NBEA: variants seen among roughly 807,000 people sequenced by gnomAD.
The protein encoded by NBEA is lysosomal-trafficking regulator 2.
In NBEA, 44 loss-of-function variants were observed where a neutral mutation model predicts 343.4. That is an observed-to-expected ratio of 0.13 (90% CI 0.10 to 0.16). NBEA has a LOEUF of 0.16. NBEA is among the 10% of genes least tolerant of loss of function. NBEA has a pLI of 1.00. For missense variants in NBEA, 2,555 were observed against 3,631.3 expected, an observed-to-expected ratio of 0.70 and a Z score of 7.62; for synonymous variants, 1,175 against 1,238.7, an observed-to-expected ratio of 0.95 and a Z score of 1.08.
chr13:35,208,601 G>A, intron 31 of NBEA, 99 bp from the exon 32 acceptor site: 1 of 1,078,988 alleles, frequency 9.3e-7, no homozygotes, highest in Non-Finnish European at 1.3e-6. Context: ...AAAGAAGAGA[G>A]GGAGAAATTC....
intron 43 of NBEA, among the ~76,000 whole-genome samples, chr13:35,553,563 G>A (rs1014175197): frequency 2.4e-4 from 37 of 152,020 alleles, no homozygotes; most frequent in African/African-American, 8.4e-4. Flanking sequence ...CATAAAATGG[G>A]GAAAATATCT....
chr13:35,217,256 T>A (rs2074115737), intron 33 of NBEA, among the ~76,000 whole-genome samples: 1 of 152,066 alleles, frequency 6.6e-6, no homozygotes. Context: ...AGAGTTTTTG[T>A]TATATTCAAA....
intron 18 of NBEA, among the ~76,000 whole-genome samples, chr13:35,151,728 A>C (rs2068802995): frequency 1.3e-5 from 2 of 152,114 alleles, no homozygotes; most frequent in African/African-American, 4.8e-5. Flanking sequence ...TATACTAAGA[A>C]GTGAGTTAAC....
At chr13:35,248,551 A>T (rs975058118) in intron 34 of NBEA, among the ~76,000 whole-genome samples, 3 of 152,236 alleles carry the variant, frequency 2.0e-5, no homozygotes. Context: ...ATAAAGACAT[A>T]GTAGACCAAC....
At chr13:35,473,310 T>C (rs555398172) in intron 41 of NBEA, among the ~76,000 whole-genome samples, 7 of 152,324 alleles carry the variant, frequency 4.6e-5, no homozygotes, top group African/African-American at 1.7e-4. Context: ...TTCAACAGCA[T>C]GAAGTGTCAT....
Position 35,309,607 on chromosome 13 carries a change from A to G in NBEA, c.5903+15A>G. 6.7e-7 allele frequency: 1 copy of G among 1,495,134 alleles called. No homozygotes were observed. Among genetic ancestry groups the G allele is most frequent in the Non-Finnish European group, 9.1e-7 (1 of 1,095,104 alleles). The allele number at this position is 1,495,134 out of a possible 1,614,324, so 92.6% of individuals were successfully genotyped here. On this transcript the variant is annotated intron_variant, in intron 36 of 58. Transcript: ENST00000379939. ...AATGAAGGAAGGTAATTAATTTTAC[A>G]ATTTTAGACAACTAGTCAGTGTACA... is the stretch of plus-strand genomic sequence containing the variant.
rs1218246730 is a variant in NBEA at position 35,159,331 on chromosome 13, G to A, written c.3160G>A (p.Asp1054Asn). The change falls in exon 22 of 59, where the codon GAT becomes AAT. Residue 1054 changes from aspartate to asparagine, a missense_variant. Physicochemically the swap from Asp to Asn is conservative, Grantham distance 23 (BLOSUM62 1). Transcript: ENST00000379939. ...PGSGVHVEVHDLLVDIKAEKV... is the reference protein window; with the variant it reads ...PGSGVHVEVHNLLVDIKAEKV... ...AAGTGGTGTACATGTGGAAGTACAT[G>A]ATCTTTTAGTAGATATAAAAGCAGA... is the stretch of plus-strand genomic sequence containing the variant. 1.2e-6 allele frequency: 2 copies of A among 1,613,562 alleles called. No homozygotes were observed. Among genetic ancestry groups the A allele is most frequent in the Admixed American group, 1.7e-5 (1 of 59,934 alleles).
At chr13:35,307,506 C>A (rs568317046) in intron 35 of NBEA, among the ~76,000 whole-genome samples, 5 of 152,092 alleles carry the variant, frequency 3.3e-5, no homozygotes, top group Non-Finnish European at 5.9e-5. Context: ...AGATAATTTT[C>A]TCTTGATTTT....
At chr13:34,969,696 A>G (rs1027142664) in intron 1 of NBEA, among the ~76,000 whole-genome samples, 1 of 151,748 alleles carries the variant, frequency 6.6e-6, no homozygotes, top group African/African-American at 2.4e-5. Flanking sequence ...CTCCAGCTCC[A>G]TCTATGTGTC....
At chr13:35,037,544 G>A (rs2062490589) in intron 1 of NBEA, among the ~76,000 whole-genome samples, 1 of 152,090 alleles carries the variant, frequency 6.6e-6, no homozygotes, top group African/African-American at 2.4e-5. Context: ...CACCCTTCTT[G>A]GGAAGGCTTT....
intron 41 of NBEA, among the ~76,000 whole-genome samples, chr13:35,481,761 T>C (rs772812062): frequency 7.9e-5 from 12 of 151,926 alleles, no homozygotes; most frequent in Non-Finnish European, 1.6e-4. Context: ...CTATATAATG[T>C]ATGAAAATTA....
intron 48 of NBEA, among the ~76,000 whole-genome samples, chr13:35,615,662 C>T (rs1045394681): frequency 1.3e-5 from 2 of 152,142 alleles, no homozygotes; most frequent in African/African-American, 4.8e-5. Context: ...GGTAAATTTA[C>T]ATGCCAAATA....
At chr13:35,550,909 T>G (rs201000335) in intron 42 of NBEA, 21 bp from the exon 43 acceptor site, 9 of 1,486,392 alleles carry the variant, frequency 6.1e-6, no homozygotes, top group South Asian at 2.4e-5. Context: ...CTAAACTCTG[T>G]TTTTTTTCTT....
chr13:35,062,693 A>T (rs2063509191), intron 8 of NBEA, among the ~76,000 whole-genome samples: 1 of 151,946 alleles, frequency 6.6e-6, no homozygotes, highest in African/African-American at 2.4e-5. Flanking sequence ...AAATCCTTAA[A>T]GTTCTGAAAG....
At chr13:35,417,172 C>A (rs1164264600) in intron 38 of NBEA, among the ~76,000 whole-genome samples, 4 of 151,956 alleles carry the variant, frequency 2.6e-5, no homozygotes, top group Non-Finnish European at 4.4e-5. Flanking sequence ...TTTTGTTGAT[C>A]TTTTCAAAAA....
At chr13:35,316,856 C>T (rs1008401320) in intron 36 of NBEA, among the ~76,000 whole-genome samples, 3 of 152,040 alleles carry the variant, frequency 2.0e-5, no homozygotes, top group Non-Finnish European at 4.4e-5. Flanking sequence ...TCTCTAATGA[C>T]GAGGGATGAT....
intron 33 of NBEA, among the ~76,000 whole-genome samples, chr13:35,226,142 A>G (rs1476504527): frequency 6.6e-6 from 1 of 152,190 alleles, no homozygotes; most frequent in South Asian, 2.1e-4. Flanking sequence ...CTGAAGGAAA[A>G]GTAATGCAAT....
chr13:35,400,435 A>T (rs1369046197), intron 38 of NBEA, among the ~76,000 whole-genome samples: 1 of 151,974 alleles, frequency 6.6e-6, no homozygotes, highest in African/African-American at 2.4e-5. Context: ...CAGAAAAATT[A>T]TCTTATTGAG....
chr13:35,537,619 CT>C (rs2078624030), intron 41 of NBEA, among the ~76,000 whole-genome samples: 1 of 152,032 alleles, frequency 6.6e-6, no homozygotes, highest in African/African-American at 2.4e-5. Context: ...GTGATTTTAC[CT>C]AGCTAGGGAG....
Sources: gnomAD v4.1 joint callset for allele counts (sites outside exome capture counted in the v4.1 genomes callset) on GRCh38, gnomAD v4.1.1 for gene constraint, MANE v1.5 for transcripts, NCBI Gene and HGNC (gene_info 2026-07-23, HGNC 2026-07-21) for gene names.